Variants in SORL1 observed in about 807,000 individuals in gnomAD.
SORL1 encodes the protein sortilin related receptor 1, also known as sortilin-related receptor.
Under a neutral mutation model 273.7 loss-of-function variants are expected in SORL1, and 127 were observed. The observed-to-expected ratio is 0.46, with a 90% CI of 0.40 to 0.54. The LOEUF (loss-of-function observed/expected upper bound fraction) is 0.54. Among genes scored for constraint, SORL1 ranks in the 20% least tolerant of loss-of-function variants. The probability of loss-of-function intolerance (pLI) is 0.00; values close to 1 mark genes in which losing one functional copy is unlikely to be tolerated. For synonymous variants in SORL1, 1,031 were observed against 1,067.4 expected (o/e 0.97, Z 0.66); for missense variants, 2,494 against 2,846.1 (o/e 0.88, Z 2.81).
intron 2 of SORL1, among the ~76,000 whole-genome samples, chr11:121,476,428 T>G (rs1469657161): frequency 2.0e-5 from 3 of 152,232 alleles, no homozygotes; most frequent in Non-Finnish European, 2.9e-5. Context: ...TCTTCTAACC[T>G]TAACATCTAG....
intron 5 of SORL1, among the ~76,000 whole-genome samples, chr11:121,494,808 A>T (rs142650084): frequency 3.3e-5 from 5 of 152,284 alleles, no homozygotes; most frequent in African/African-American, 9.6e-5. Flanking sequence ...AAAATAGCTC[A>T]ATAAAGGTTC....
intron 19 of SORL1, among the ~76,000 whole-genome samples, chr11:121,557,828 A>C (rs1862614253): frequency 6.6e-6 from 1 of 152,236 alleles, no homozygotes; most frequent in South Asian, 2.1e-4. Context: ...TGGGGAAGGC[A>C]AAGGTGCTTT....
chr11:121,478,305 G>A (rs976703627), intron 3 of SORL1, 62 bp downstream of exon 3: 21 of 1,562,102 alleles, frequency 1.3e-5, no homozygotes, highest in Admixed American at 3.7e-5. Context: ...AAAGATTGCC[G>A]CACTTAAGGG....
Position 121,550,049 on chromosome 11 carries a change from T to C in SORL1, c.2141T>C (p.Val714Ala), listed in dbSNP as rs1472974613. Reference protein sequence around the residue: ...EFSGKSYSPPVPCPVGSTYRR... With the variant: ...EFSGKSYSPPAPCPVGSTYRR... ...TCTGGAAAGTCATACTCCCCTCCTG[T>C]GCCTTGCCCTGTGGGTTCTACTTAC... Residue 714 changes from valine to alanine, a missense_variant, in exon 15 of 48, where the codon GTG becomes GCG. Val to Ala is a moderately conservative substitution (Grantham distance 64, BLOSUM62 0). Coordinates refer to ENST00000260197, the MANE Select transcript of SORL1 (RefSeq NM_003105.6). The surrounding 1 kb of genome is among the most constrained non-coding windows in gnomAD (Gnocchi z 5.3). The C allele has an allele frequency of 6.2e-7, 1 of 1,613,828 alleles. No homozygotes were observed. The highest frequency in any genetic ancestry group is 1.3e-5 in the African/African-American group (1 of 75,038).
At position 121,566,886 on chromosome 11, in the gene SORL1, T is replaced by C. The variant is rs1251527130; in HGVS notation, c.3050-54T>C. The C allele has an allele frequency of 4.6e-6, 7 of 1,527,262 alleles. No homozygotes were observed. The East Asian group carries it at 1.6e-4, about 36-fold the overall frequency. 94.6% of individuals were successfully genotyped at this position (1,527,262 alleles called of 1,614,324 possible). A position where few individuals can be genotyped will look rare whatever the true frequency, so the allele number is the denominator to read the frequency against. On this transcript the variant is annotated intron_variant, in intron 21 of 47. Transcript: ENST00000260197. ...CAGTGGGTCTCCTTCTTGTATTCAG[T>C]ACCTCCCTCATGGTGTGTATTAACC...
At chr11:121,491,297 T>G (rs1235960054) in intron 5 of SORL1, among the ~76,000 whole-genome samples, 1 of 152,236 alleles carries the variant, frequency 6.6e-6, no homozygotes, top group Non-Finnish European at 1.5e-5. Context: ...AAACAGGCTG[T>G]ACTTCAAGAA....
rs377284914 is a variant in SORL1 at position 121,545,413 on chromosome 11, C to T, written c.2035C>T (p.Arg679Trp). Residue 679 changes from arginine to tryptophan, a missense_variant, in exon 14 of 48, where the codon CGG (arginine) becomes TGG (tryptophan). This residue lies in a region of SORL1 where 710 missense variants were observed against 882.5 expected (regional missense o/e 0.80). Transcript: ENST00000260197. ...PVVVSNCSCT[R>W]EDYECDFGFK... is the part of the protein sequence containing the mutation. ...GGTCGTGTCCAACTGCTCCTGCACC[C>T]GGGAGGACTATGAGTGGTCAGTTCT... The T allele has an allele frequency of 2.0e-5, 33 of 1,613,910 alleles. No individual in the cohort carries two copies. The highest frequency in any genetic ancestry group is 2.5e-5 in the Non-Finnish European group (29 of 1,179,986).
At chr11:121,600,707 T>C (rs78733849) in intron 32 of SORL1, among the ~76,000 whole-genome samples, 2 of 152,218 alleles carry the variant, frequency 1.3e-5, no homozygotes, top group Admixed American at 6.5e-5. Flanking sequence ...CAACATTAAT[T>C]TGATAACCTT....
At chr11:121,523,011 C>T (rs1448401371) in intron 11 of SORL1, 22 bp downstream of exon 11, 6 of 1,490,040 alleles carry the variant, frequency 4.0e-6, no homozygotes, top group African/African-American at 2.8e-5. Flanking sequence ...CCCCCAATCC[C>T]GTCCCCTCCA....
intron 41 of SORL1, among the ~76,000 whole-genome samples, chr11:121,617,228 G>T (rs1214449264): frequency 3.9e-5 from 6 of 152,188 alleles, no homozygotes; most frequent in African/African-American, 9.7e-5. Context: ...GGAAGAAAAA[G>T]ATCTAGCTAT....
In SORL1 at chr11:121,631,216, A is replaced by G. The variant is rs1289022665; in HGVS notation, c.*1653A>G. 1 of 152,190 alleles carries G rather than the reference A, an allele frequency of 6.6e-6. No homozygotes were observed. Among genetic ancestry groups the G allele is most frequent in the Non-Finnish European group, 1.5e-5 (1 of 68,028 alleles). 9.4% of individuals were successfully genotyped at this position (152,190 alleles called of 1,614,324 possible). A position where few individuals can be genotyped will look rare whatever the true frequency, so the allele number is the denominator to read the frequency against. On this transcript the variant is annotated 3_prime_UTR_variant, in exon 48 of 48. Transcript: ENST00000260197. Reference sequence around the variant, plus strand: ...AGCCAATTAAATTTTTTAGTTTTTGAAATTTTTATTTATATGTATACTTAG... The same window carrying G: ...AGCCAATTAAATTTTTTAGTTTTTGGAATTTTTATTTATATGTATACTTAG...
intron 32 of SORL1, among the ~76,000 whole-genome samples, chr11:121,597,029 A>T (rs909328251): frequency 6.6e-6 from 1 of 152,180 alleles, no homozygotes; most frequent in South Asian, 2.1e-4. Flanking sequence ...AGAGATGTGA[A>T]TTTGGTGATC....
chr11:121,575,493 C>A (rs911554402), intron 24 of SORL1, among the ~76,000 whole-genome samples: 1 of 152,242 alleles, frequency 6.6e-6, no homozygotes, highest in African/African-American at 2.4e-5. Flanking sequence ...GCTGTGCTTA[C>A]GCACATGGAC....
chr11:121,542,437 T>A (rs1269745875), intron 12 of SORL1, among the ~76,000 whole-genome samples: 3 of 151,946 alleles, frequency 2.0e-5, no homozygotes, highest in Non-Finnish European at 4.4e-5. Flanking sequence ...CCTTTTTTCT[T>A]TATTTATTTG....
At chr11:121,467,570 T>C (rs566435926) in intron 1 of SORL1, among the ~76,000 whole-genome samples, 7 of 152,108 alleles carry the variant, frequency 4.6e-5, no homozygotes, top group Non-Finnish European at 1.0e-4. Context: ...AGTCCTTTAT[T>C]GTATTGACAT....
chr11:121,501,476 A>G (rs1280459838), intron 6 of SORL1, among the ~76,000 whole-genome samples: 1 of 152,142 alleles, frequency 6.6e-6, no homozygotes, highest in African/African-American at 2.4e-5. Context: ...TTGTGACTTT[A>G]TTAGTCCATT....
chr11:121,490,894 C>G (rs571371210), intron 5 of SORL1, among the ~76,000 whole-genome samples: 1 of 152,020 alleles, frequency 6.6e-6, no homozygotes, highest in Non-Finnish European at 1.5e-5. Flanking sequence ...ATTTCAGGTA[C>G]GTAACACACA....
At chr11:121,612,636 A>G in intron 39 of SORL1, 100 bp from the exon 40 acceptor site, 1 of 836,888 alleles carries the variant, frequency 1.2e-6, no homozygotes. Context: ...GAGATACCCA[A>G]GGAAAGAACA....
chr11:121,580,604 CT>C (rs11404598), intron 25 of SORL1, among the ~76,000 whole-genome samples: 215 of 115,470 alleles, frequency 1.9e-3, no homozygotes, highest in African/African-American at 2.7e-3. Context: ...CATGCACTTA[CT>C]TTTTTTTTTT....
Sources: allele counts gnomAD v4.1 joint callset (sites outside exome capture counted in the v4.1 genomes callset), GRCh38; gene constraint gnomAD v4.1.1; regional missense constraint gnomAD v4.1.1; non-coding constraint Gnocchi (gnomAD v3.1); transcripts MANE v1.5; gene names NCBI Gene and HGNC (gene_info 2026-07-23, HGNC 2026-07-21).